ARHGAP24: variants seen among roughly 807,000 people sequenced by gnomAD.
ARHGAP24 encodes Rho GTPase activating protein 24, also known as rho GTPase-activating protein 24.
A neutral mutation model predicts 76.4 loss-of-function variants in ARHGAP24; 50 were observed. The ratio of observed to expected loss-of-function variants is 0.65; its 90% CI spans 0.52 to 0.83. The LOEUF (loss-of-function observed/expected upper bound fraction) is 0.83, where lower values mean the gene tolerates loss of function less well. Among genes scored for constraint, ARHGAP24 ranks in the 40% least tolerant of loss-of-function variants. The pLI is 0.00. For synonymous variants in ARHGAP24, 345 were observed against 323.3 expected (o/e 1.07, Z -0.72); for missense variants, 930 against 914.2 (o/e 1.02, Z -0.22).
intron 3 of ARHGAP24, among the ~76,000 whole-genome samples, chr4:85,917,167 G>T (rs1311504344): frequency 6.6e-6 from 1 of 151,962 alleles, no homozygotes; most frequent in Non-Finnish European, 1.5e-5. Flanking sequence ...GCAGTGTTTG[G>T]TTTTTTGTCC....
At chr4:85,690,437 A>G (rs2110017205) in intron 2 of ARHGAP24, among the ~76,000 whole-genome samples, 1 of 152,188 alleles carries the variant, frequency 6.6e-6, no homozygotes, top group East Asian at 1.9e-4. Context: ...TTCAGGGTCC[A>G]GGGCTTTTTG....
chr4:85,793,681 T>C (rs965890087), intron 3 of ARHGAP24, among the ~76,000 whole-genome samples: 1 of 152,176 alleles, frequency 6.6e-6, no homozygotes, highest in African/African-American at 2.4e-5. Context: ...TTAGAGTATT[T>C]CCTGTCACAA....
chr4:85,769,311 A>G (rs930431567), intron 3 of ARHGAP24, among the ~76,000 whole-genome samples: 2 of 152,188 alleles, frequency 1.3e-5, no homozygotes, highest in African/African-American at 4.8e-5. Context: ...ACTCTTAGTA[A>G]TGTATCATTG....
intron 5 of ARHGAP24, among the ~76,000 whole-genome samples, chr4:85,968,337 T>C (rs1334350995): frequency 6.6e-6 from 1 of 152,172 alleles, no homozygotes; most frequent in Non-Finnish European, 1.5e-5. Flanking sequence ...TATTCTCCAT[T>C]GTACATAGAC....
chr4:85,725,187 C>T lies in ARHGAP24; in HGVS notation c.268+3215C>T, dbSNP rs186878112. On this transcript the variant is annotated intron_variant, in intron 3 of 9. Coordinates refer to ENST00000395184, the MANE Select transcript of ARHGAP24 (RefSeq NM_001025616.3). ...AGAAACAGACAAGAAATAGGCAAAA[C>T]AAGACAAAGGAGGACTATATGTATC... Among the ~76,000 whole-genome samples, 24 of 152,198 alleles carry T rather than the reference C, an allele frequency of 1.6e-4. No individual in the cohort carries two copies. In the East Asian group the frequency reaches 4.0e-3, roughly 26 times the overall value.
chr4:85,784,531 C>T (rs1186939627), intron 3 of ARHGAP24, among the ~76,000 whole-genome samples: 1 of 152,036 alleles, frequency 6.6e-6, no homozygotes, highest in Non-Finnish European at 1.5e-5. Context: ...ACAATGCTCG[C>T]ATCAGGATCT....
intron 3 of ARHGAP24, among the ~76,000 whole-genome samples, chr4:85,757,405 C>T (rs948084523): frequency 1.3e-5 from 2 of 151,844 alleles, no homozygotes; most frequent in Admixed American, 1.3e-4. Flanking sequence ...TGTGATGTTC[C>T]CCACCCTGTG....
intron 4 of ARHGAP24, among the ~76,000 whole-genome samples, chr4:85,931,241 A>G (rs1396039824): frequency 6.6e-6 from 1 of 152,036 alleles, no homozygotes; most frequent in Non-Finnish European, 1.5e-5. Context: ...TTGTCTGTGA[A>G]TAGGTGGGGT....
chr4:85,936,661 A>G (rs148240762), intron 4 of ARHGAP24, among the ~76,000 whole-genome samples: 2 of 152,304 alleles, frequency 1.3e-5, no homozygotes, highest in Non-Finnish European at 2.9e-5. Flanking sequence ...ATCTAAATAA[A>G]TAATTTCCAT....
At chr4:85,722,672 A>C (rs1724998184) in intron 3 of ARHGAP24, 1 of 154,208 alleles carries the variant, frequency 6.5e-6, no homozygotes, top group African/African-American at 2.4e-5. Flanking sequence ...CTCCAAGGCC[A>C]TGTTGTCTAC....
At chr4:85,978,077 T>G (rs1739442235) in intron 8 of ARHGAP24, among the ~76,000 whole-genome samples, 1 of 152,182 alleles carries the variant, frequency 6.6e-6, no homozygotes, top group African/African-American at 2.4e-5. Context: ...TTTGACTGAC[T>G]TAGGGAAAAA....
At chr4:85,644,910 A>G (rs952546240) in intron 2 of ARHGAP24, among the ~76,000 whole-genome samples, 4 of 152,106 alleles carry the variant, frequency 2.6e-5, no homozygotes, top group Non-Finnish European at 5.9e-5. Flanking sequence ...CTTCTAAACT[A>G]TAGATGATGG....
chr4:85,583,947 T>G (rs1364252497), intron 2 of ARHGAP24, among the ~76,000 whole-genome samples: 1 of 149,614 alleles, frequency 6.7e-6, no homozygotes, highest in Non-Finnish European at 1.5e-5. Flanking sequence ...AAACAACAGG[T>G]GCTGGAGAGG....
chr4:85,691,942 T>C (rs1723677318), intron 2 of ARHGAP24, among the ~76,000 whole-genome samples: 1 of 152,152 alleles, frequency 6.6e-6, no homozygotes, highest in South Asian at 2.1e-4. Flanking sequence ...ATGTACTTAA[T>C]TGTGTTTGTT....
chr4:85,544,699 C>CAT (rs939612910), intron 1 of ARHGAP24, among the ~76,000 whole-genome samples: 23 of 151,746 alleles, frequency 1.5e-4, no homozygotes, highest in South Asian at 1.2e-3. Flanking sequence ...TACACACATA[C>CAT]ATATATATAT....
At chr4:85,677,556 G>A (rs1421486237) in intron 2 of ARHGAP24, among the ~76,000 whole-genome samples, 2 of 152,182 alleles carry the variant, frequency 1.3e-5, no homozygotes, top group Admixed American at 6.5e-5. Context: ...GAACAGTTAT[G>A]AGTCCTCTGA....
chr4:85,997,628 G>GTTTCTAACT (rs111488802), intron 9 of ARHGAP24, among the ~76,000 whole-genome samples: 1 of 150,900 alleles, frequency 6.6e-6, no homozygotes, highest in Non-Finnish European at 1.5e-5. Flanking sequence ...CTCCAAATTG[G>GTTTCTAACT]TTTCTAACTT....
chr4:85,952,385 A>T (rs903598750), intron 5 of ARHGAP24, among the ~76,000 whole-genome samples: 1 of 152,190 alleles, frequency 6.6e-6, no homozygotes, highest in Non-Finnish European at 1.5e-5. Context: ...TGTTTTGCAC[A>T]TATCTGTCCT....
intron 2 of ARHGAP24, among the ~76,000 whole-genome samples, chr4:85,657,189 T>C (rs945354582): frequency 6.6e-6 from 1 of 152,152 alleles, no homozygotes; most frequent in Non-Finnish European, 1.5e-5. Context: ...GCTATAAATT[T>C]CTTCATCTCC....
Sources: allele counts gnomAD v4.1 joint callset (sites outside exome capture counted in the v4.1 genomes callset), GRCh38; gene constraint gnomAD v4.1.1; transcripts MANE v1.5; gene names NCBI Gene and HGNC (gene_info 2026-07-23, HGNC 2026-07-21).